The following TMEM51 variants were observed in gnomAD, a reference collection of about 807,000 sequenced individuals.
TMEM51 encodes chromosome 1 open reading frame 72.
In TMEM51, 8 loss-of-function variants were observed where a neutral mutation model predicts 13.6. That is an observed-to-expected ratio of 0.59 (90% confidence interval 0.35 to 1.07). The LOEUF (loss-of-function observed/expected upper bound fraction) is 1.07, where lower values mean the gene tolerates loss of function less well. Among genes scored for constraint, TMEM51 ranks in the 50% least tolerant of loss-of-function variants. TMEM51 has a pLI of 0.02. For synonymous variants in TMEM51, 147 were observed against 144.4 expected, an observed-to-expected ratio of 1.02 and a Z score of -0.13; for missense variants, 279 against 330.7, an observed-to-expected ratio of 0.84 and a Z score of 1.21.
intron 1 of TMEM51, among the ~76,000 whole-genome samples, chr1:15,167,098 C>G (rs951004169): frequency 6.6e-6 from 1 of 151,982 alleles, no homozygotes; most frequent in Non-Finnish European, 1.5e-5. Context: ...GAGGCCGAGG[C>G]GGGCAGATCA....
At chr1:15,193,249 C>T (rs1375189904) in intron 1 of TMEM51, among the ~76,000 whole-genome samples, 1 of 152,228 alleles carries the variant, frequency 6.6e-6, no homozygotes, top group Admixed American at 6.5e-5. Context: ...GCACCAGCTG[C>T]CGGCCCTAGG....
At chr1:15,154,614 AG>A (rs1253736666) in intron 1 of TMEM51, among the ~76,000 whole-genome samples, 1 of 152,072 alleles carries the variant, frequency 6.6e-6, no homozygotes, top group Non-Finnish European at 1.5e-5. Flanking sequence ...TACCGGGCCT[AG>A]GGGAGAGCAG....
chr1:15,164,898 G>A (rs540202496), intron 1 of TMEM51, among the ~76,000 whole-genome samples: 121 of 148,844 alleles, frequency 8.1e-4, no homozygotes, highest in Middle Eastern at 6.9e-3. Flanking sequence ...TGCCTCCCGA[G>A]TTCAAGCAAT....
intron 1 of TMEM51, among the ~76,000 whole-genome samples, chr1:15,178,642 A>G (rs1643521646): frequency 6.6e-6 from 1 of 152,154 alleles, no homozygotes; most frequent in Non-Finnish European, 1.5e-5. Context: ...GTGAGTTAGT[A>G]CTGGTGGTGT....
At chr1:15,178,533 A>G (rs1643518045) in intron 1 of TMEM51, among the ~76,000 whole-genome samples, 1 of 152,182 alleles carries the variant, frequency 6.6e-6, no homozygotes. Flanking sequence ...GGGTCTTCAG[A>G]TAACGGCCGG....
chr1:15,162,656 A>G (rs1331441437), intron 1 of TMEM51, among the ~76,000 whole-genome samples: 1 of 152,150 alleles, frequency 6.6e-6, no homozygotes, highest in Non-Finnish European at 1.5e-5. Context: ...AATGTGGTCT[A>G]TCCATACAGT....
At chr1:15,203,819 A>G (rs998798440) in intron 1 of TMEM51, among the ~76,000 whole-genome samples, 1 of 152,178 alleles carries the variant, frequency 6.6e-6, no homozygotes, top group Non-Finnish European at 1.5e-5. Flanking sequence ...GATCCCAGTA[A>G]AATTTACTTT....
At chr1:15,172,024 A>C (rs912898250) in intron 1 of TMEM51, among the ~76,000 whole-genome samples, 1 of 152,138 alleles carries the variant, frequency 6.6e-6, no homozygotes, top group African/African-American at 2.4e-5. Context: ...ATTTTCAAAC[A>C]AGCTCTCTAG....
chr1:15,195,900 ACTT>A (rs147214906), intron 1 of TMEM51, among the ~76,000 whole-genome samples: 2,697 of 152,214 alleles, frequency 0.018, 80 homozygotes, highest in African/African-American at 0.061. Flanking sequence ...TCCTGGCTGA[ACTT>A]CTTTTTCTGA....
At chr1:15,185,778 G>A (rs1573409863) in intron 1 of TMEM51, among the ~76,000 whole-genome samples, 2 of 152,362 alleles carry the variant, frequency 1.3e-5, no homozygotes, top group East Asian at 3.9e-4. Flanking sequence ...TGAACTGAGT[G>A]TCATCTTCCT....
intron 1 of TMEM51, among the ~76,000 whole-genome samples, chr1:15,176,316 C>T (rs530892470): frequency 2.0e-5 from 3 of 152,138 alleles, no homozygotes; most frequent in South Asian, 2.1e-4. Context: ...TTCAGCCCTG[C>T]GTGTTAAACT....
intron 1 of TMEM51, among the ~76,000 whole-genome samples, chr1:15,194,749 T>G (rs1644011975): frequency 6.6e-6 from 1 of 152,116 alleles, no homozygotes; most frequent in Non-Finnish European, 1.5e-5. Context: ...GTACATTGTG[T>G]CTTTCTCATT....
At chr1:15,186,179 T>TG (rs139530976) in intron 1 of TMEM51, among the ~76,000 whole-genome samples, 2,105 of 152,220 alleles carry the variant, frequency 0.014, 57 homozygotes, top group African/African-American at 0.048. Flanking sequence ...CCCCTCAGGT[T>TG]GGGGGTAAAT....
chr1:15,167,234 G>A (rs1418519454), intron 1 of TMEM51, among the ~76,000 whole-genome samples: 1 of 150,662 alleles, frequency 6.6e-6, no homozygotes, highest in Admixed American at 6.7e-5. Flanking sequence ...AGCTGAGGCA[G>A]GAGAATGGCA....
intron 1 of TMEM51, chr1:15,191,817 C>A (rs1643927213): frequency 2.4e-6 from 1 of 417,184 alleles, no homozygotes; most frequent in Non-Finnish European, 4.9e-6. Flanking sequence ...GCTGATGTTA[C>A]TCTAGTGGCC....
intron 1 of TMEM51, among the ~76,000 whole-genome samples, chr1:15,189,413 A>G (rs559791957): frequency 1.3e-5 from 2 of 152,176 alleles, no homozygotes; most frequent in African/African-American, 4.8e-5. Flanking sequence ...CTCCAGGCTC[A>G]GGAAGCAGTC....
At chr1:15,171,123 C>A in intron 1 of TMEM51, 1 of 1,276,436 alleles carries the variant, frequency 7.8e-7, no homozygotes, top group South Asian at 1.3e-5. Flanking sequence ...CCACATCCCC[C>A]ACCCCCAGTT....
At chr1:15,152,725 G>A (rs1642437244), upstream of TMEM51, 1 of 152,140 alleles carries the variant, frequency 6.6e-6, no homozygotes, top group Non-Finnish European at 1.5e-5. Context: ...ACCCTAGTTC[G>A]GGCGCCAGAG....
At chr1:15,208,404 C>T (rs1644285546) in intron 1 of TMEM51, among the ~76,000 whole-genome samples, 1 of 152,058 alleles carries the variant, frequency 6.6e-6, no homozygotes. Context: ...AGGAGGATCG[C>T]TTGAGGCCAG....
Sources: allele counts gnomAD v4.1 joint callset (sites outside exome capture counted in the v4.1 genomes callset), GRCh38; gene constraint gnomAD v4.1.1; transcripts MANE v1.5; gene names NCBI Gene and HGNC (gene_info 2026-07-23, HGNC 2026-07-21).